The following CNTNAP2 variants were observed in gnomAD, a reference collection of about 807,000 sequenced individuals.
CNTNAP2 encodes the protein contactin associated protein 2, also known as contactin-associated protein-like 2.
Under a neutral mutation model 155.2 loss-of-function variants are expected in CNTNAP2, and 98 were observed. The observed-to-expected ratio is 0.63, with a 90% CI of 0.54 to 0.75. The LOEUF (loss-of-function observed/expected upper bound fraction) is 0.75, where lower values mean the gene tolerates loss of function less well. Ranked by LOEUF, CNTNAP2 falls within the 30% of genes least tolerant of loss-of-function variation. CNTNAP2 has a pLI of 0.00. For synonymous variants in CNTNAP2, 651 were observed against 631.2 expected, an observed-to-expected ratio of 1.03 and a Z score of -0.47; for missense variants, 1,727 against 1,688.1, an observed-to-expected ratio of 1.02 and a Z score of -0.40.
chr7:147,198,301 G>A (rs930649366), intron 8 of CNTNAP2, among the ~76,000 whole-genome samples: 3 of 132,628 alleles, frequency 2.3e-5, no homozygotes, highest in Non-Finnish European at 3.1e-5. Flanking sequence ...GTGTGATCTC[G>A]GCTCACCACA....
intron 15 of CNTNAP2, among the ~76,000 whole-genome samples, chr7:148,103,062 A>G (rs564151298): frequency 1.3e-5 from 2 of 152,346 alleles, no homozygotes; most frequent in African/African-American, 4.8e-5. Context: ...GGTAAGAGAC[A>G]AATGCTTGCA....
At chr7:148,393,598 C>A (rs146837919) in intron 22 of CNTNAP2, among the ~76,000 whole-genome samples, 256 of 152,230 alleles carry the variant, frequency 1.7e-3, no homozygotes, top group African/African-American at 5.8e-3. Flanking sequence ...CACATTGTAT[C>A]CATGATTTTG....
intron 8 of CNTNAP2, among the ~76,000 whole-genome samples, chr7:147,151,474 A>G (rs1225012931): frequency 6.6e-6 from 1 of 152,196 alleles, no homozygotes; most frequent in East Asian, 1.9e-4. Context: ...AACTAAATAT[A>G]AACTATAATT....
intron 18 of CNTNAP2, among the ~76,000 whole-genome samples, chr7:148,216,683 G>A (rs1795643755): frequency 6.6e-6 from 1 of 152,020 alleles, no homozygotes; most frequent in African/African-American, 2.4e-5. Context: ...TATAATGTAA[G>A]TTTCTTAAAT....
At chr7:147,492,371 A>G (rs551964104) in intron 11 of CNTNAP2, among the ~76,000 whole-genome samples, 1 of 152,322 alleles carries the variant, frequency 6.6e-6, no homozygotes, top group African/African-American at 2.4e-5. Flanking sequence ...CTTACATCAT[A>G]GAGTGTGGTC....
intron 10 of CNTNAP2, among the ~76,000 whole-genome samples, chr7:147,476,929 TAAA>T (rs1220005381): frequency 2.7e-4 from 5 of 18,240 alleles, no homozygotes; most frequent in African/African-American, 3.9e-4. Flanking sequence ...CTCTGTCATT[TAAA>T]AAAAAAAAAA....
chr7:146,411,417 A>G (rs1243794240), intron 1 of CNTNAP2, among the ~76,000 whole-genome samples: 1 of 152,116 alleles, frequency 6.6e-6, no homozygotes, highest in Non-Finnish European at 1.5e-5. Flanking sequence ...CGGCCTCCCA[A>G]AGAGCTGGGA....
intron 13 of CNTNAP2, among the ~76,000 whole-genome samples, chr7:147,778,185 G>A (rs760845925): frequency 2.0e-5 from 3 of 152,136 alleles, no homozygotes; most frequent in Non-Finnish European, 4.4e-5. Context: ...ATAGCCTTTT[G>A]ATTACAGTGC....
chr7:147,006,532 A>G (rs1321100329), intron 3 of CNTNAP2, among the ~76,000 whole-genome samples: 1 of 152,048 alleles, frequency 6.6e-6, no homozygotes, highest in Non-Finnish European at 1.5e-5. Context: ...ATATTATGAT[A>G]CCTTTCAATA....
intron 9 of CNTNAP2, among the ~76,000 whole-genome samples, chr7:147,381,985 TTAAAA>T (rs1444777215): frequency 1.3e-5 from 2 of 152,032 alleles, no homozygotes; most frequent in Admixed American, 1.3e-4. Context: ...AAAGTATAAT[TTAAAA>T]TAATATGGCT....
In CNTNAP2 at chr7:148,194,149, G is replaced by T. The variant is rs933925859; in HGVS notation, c.3010+21671G>T. On this transcript the variant is annotated intron_variant, in intron 18 of 23. Coordinates refer to ENST00000361727, the MANE Select transcript of CNTNAP2 (RefSeq NM_014141.6). The stretch of plus-strand genomic sequence containing the variant: ...CCATGCCTGGCTAGTGTGTGTGTGT[G>T]TGTGTGTGTGTGTGTACATATTTTT... Among the ~76,000 whole-genome samples, 6 of 150,276 alleles carry T rather than the reference G, an allele frequency of 4.0e-5. No homozygotes were observed. In the South Asian group the frequency reaches 1.1e-3, roughly 26 times the overall value.
chr7:147,114,813 A>C (rs1039523718), intron 5 of CNTNAP2, among the ~76,000 whole-genome samples: 1 of 152,054 alleles, frequency 6.6e-6, no homozygotes, highest in African/African-American at 2.4e-5. Context: ...ATTTACATTT[A>C]AGGTTAGTAT....
At chr7:146,346,438 T>C (rs1335774961) in intron 1 of CNTNAP2, among the ~76,000 whole-genome samples, 1 of 152,160 alleles carries the variant, frequency 6.6e-6, no homozygotes, top group African/African-American at 2.4e-5. Flanking sequence ...TCCCAGCACT[T>C]TGGGAGGCTA....
chr7:147,769,706 G>C (rs544940194), intron 13 of CNTNAP2, among the ~76,000 whole-genome samples: 2 of 152,202 alleles, frequency 1.3e-5, no homozygotes, highest in East Asian at 3.9e-4. Flanking sequence ...CCATTGTTTG[G>C]CTTGTATTAA....
At chr7:146,830,507 CAT>C (rs1803489722) in intron 2 of CNTNAP2, among the ~76,000 whole-genome samples, 1 of 151,994 alleles carries the variant, frequency 6.6e-6, no homozygotes, top group Non-Finnish European at 1.5e-5. Flanking sequence ...GCATGAAAAA[CAT>C]ATCTAATAAT....
At chr7:147,760,102 C>A (rs1797276379) in intron 13 of CNTNAP2, among the ~76,000 whole-genome samples, 1 of 152,228 alleles carries the variant, frequency 6.6e-6, no homozygotes, top group East Asian at 1.9e-4. Context: ...AGAACCATTT[C>A]TATAGCAAAT....
chr7:146,725,980 A>G (rs893876976), intron 1 of CNTNAP2, among the ~76,000 whole-genome samples: 1 of 152,140 alleles, frequency 6.6e-6, no homozygotes, highest in Non-Finnish European at 1.5e-5. Flanking sequence ...GTCTTGATAA[A>G]TTGGCTCTAT....
At chr7:146,517,537 G>A (rs1277766201) in intron 1 of CNTNAP2, among the ~76,000 whole-genome samples, 2 of 151,964 alleles carry the variant, frequency 1.3e-5, no homozygotes, top group East Asian at 3.9e-4. Flanking sequence ...CAGTGAATGG[G>A]ATAAGAAGGT....
chr7:148,153,240 G>GAAAAA (rs3056237), intron 17 of CNTNAP2, among the ~76,000 whole-genome samples: 9 of 130,238 alleles, frequency 6.9e-5, no homozygotes, highest in Admixed American at 1.5e-4. Flanking sequence ...CAAAGTAACC[G>GAAAAA]AAAAAAAAAA....
Sources: allele counts gnomAD v4.1 joint callset (sites outside exome capture counted in the v4.1 genomes callset), GRCh38; gene constraint gnomAD v4.1.1; transcripts MANE v1.5; gene names NCBI Gene and HGNC (gene_info 2026-07-23, HGNC 2026-07-21).